Variants in CCDC33 observed in about 807,000 individuals in gnomAD.
CCDC33 encodes coiled-coil domain containing 33.
A neutral mutation model predicts 91.9 loss-of-function variants in CCDC33; 94 were observed. That is an observed-to-expected ratio of 1.02 (90% CI 0.87 to 1.21). CCDC33 has a LOEUF of 1.21. Ranked by LOEUF, CCDC33 falls within the 50% of genes most tolerant of loss-of-function variation. CCDC33 has a pLI of 0.00. For synonymous variants in CCDC33, 396 were observed against 374.5 expected (o/e 1.06, Z -0.66); for missense variants, 940 against 935.5 (o/e 1.00, Z -0.06).
chr15:74,247,204 C>T (rs1022934854), intron 2 of CCDC33, among the ~76,000 whole-genome samples: 24 of 151,996 alleles, frequency 1.6e-4, no homozygotes, highest in Non-Finnish European at 8.8e-5. Flanking sequence ...TGCAGTGGCT[C>T]ATGCCTGTAA....
At chr15:74,221,296 G>A in intron 2 of CCDC33, 1 of 974,960 alleles carries the variant, frequency 1.0e-6, no homozygotes, top group African/African-American at 1.8e-5. Flanking sequence ...CAGGAGAGCA[G>A]GATGAGCAGG....
At chr15:74,236,825 A>C in intron 1 of CCDC33, 85 bp downstream of exon 1, 5 of 1,359,514 alleles carry the variant, frequency 3.7e-6, no homozygotes, top group Non-Finnish European at 5.2e-6. Flanking sequence ...TTGCTCCTTA[A>C]TCATGACAAA....
At chr15:74,305,447 C>A (rs1048455163) in intron 11 of CCDC33, among the ~76,000 whole-genome samples, 1 of 152,114 alleles carries the variant, frequency 6.6e-6, no homozygotes, top group Non-Finnish European at 1.5e-5. Flanking sequence ...TAGAGAAAGC[C>A]CCCCAGCCTA....
chr15:74,336,241 C>T (rs1358753612), downstream of CCDC33: 2 of 1,422,910 alleles, frequency 1.4e-6, no homozygotes, highest in Middle Eastern at 1.9e-4. Context: ...TGCAGCCTTA[C>T]AGCCTCCCGC....
chr15:74,290,093 A>G (rs1163166724), intron 10 of CCDC33, among the ~76,000 whole-genome samples: 1 of 152,154 alleles, frequency 6.6e-6, no homozygotes, highest in Non-Finnish European at 1.5e-5. Context: ...CCACCTTAGT[A>G]TAGACCTCCC....
chr15:74,268,693 C>T (rs1595987415), intron 5 of CCDC33, among the ~76,000 whole-genome samples: 1 of 152,372 alleles, frequency 6.6e-6, no homozygotes, highest in South Asian at 2.1e-4. Context: ...CCTTCCCTCT[C>T]TGTCTTGGAG....
Position 74,336,125 on chromosome 15 carries a change from ATGT to A in CCDC33, c.*76_*78del, listed in dbSNP as rs1345215974. 6 of 1,581,282 alleles carry A rather than the reference ATGT, an allele frequency of 3.8e-6. No individual in the cohort carries two copies. The highest frequency in any genetic ancestry group is 1.7e-4 in the Middle Eastern group (1 of 5,944). On this transcript the variant is annotated 3_prime_UTR_variant, in exon 19 of 19. Coordinates refer to ENST00000398814, the MANE Select transcript of CCDC33 (RefSeq NM_025055.5). Reference sequence around the variant, plus strand: ...CGCCCCCTAAAAATGACGTTATTAAATGTTGTAGCTCTGTGAGCATTTTCCTCT... The same window carrying A: ...CGCCCCCTAAAAATGACGTTATTAAATGTAGCTCTGTGAGCATTTTCCTCT...
chr15:74,227,200 G>A (rs2142179962), intron 2 of CCDC33, among the ~76,000 whole-genome samples: 1 of 152,318 alleles, frequency 6.6e-6, no homozygotes, highest in South Asian at 2.1e-4. Context: ...GCTTGCCCAA[G>A]GCAGTCAGTA....
At chr15:74,242,576 C>T (rs115692024) in intron 1 of CCDC33, among the ~76,000 whole-genome samples, 240 of 152,298 alleles carry the variant, frequency 1.6e-3, no homozygotes, top group African/African-American at 5.7e-3. Flanking sequence ...TGCTCCTCTC[C>T]CAGAGCCAGG....
chr15:74,310,374 T>C (rs1323582706), intron 11 of CCDC33, among the ~76,000 whole-genome samples: 1 of 151,790 alleles, frequency 6.6e-6, no homozygotes, highest in Non-Finnish European at 1.5e-5. Context: ...CCGTTTCTAC[T>C]AAAAATACAA....
chr15:74,217,363 A>C (rs2074470789), exon 1 of CCDC33: 2 of 1,289,836 alleles, frequency 1.6e-6, no homozygotes, highest in Admixed American at 4.6e-5. Context: ...CTGGAGTTCG[A>C]AGTTTTGAGC....
chr15:74,280,228 A>G, intron 8 of CCDC33, 136 bp downstream of exon 8: 14 of 1,022,154 alleles, frequency 1.4e-5, no homozygotes, highest in Middle Eastern at 3.0e-4. Flanking sequence ...TTCCTAATGC[A>G]GGCAGAGGAG....
intron 10 of CCDC33, among the ~76,000 whole-genome samples, chr15:74,282,967 T>C (rs918840396): frequency 5.9e-5 from 9 of 152,324 alleles, no homozygotes; most frequent in African/African-American, 2.2e-4. Context: ...TCCTGCCTTC[T>C]TCCCACGCAG....
chr15:74,299,192 C>T (rs2059745828), intron 11 of CCDC33, among the ~76,000 whole-genome samples: 1 of 152,214 alleles, frequency 6.6e-6, no homozygotes, highest in African/African-American at 2.4e-5. Flanking sequence ...CATGCCCACC[C>T]TGGGCATCAC....
rs377211797 is a variant in CCDC33 at position 74,229,599 on chromosome 15, C to T, written c.675+10738C>T. Among the ~76,000 whole-genome samples, 18 of 152,340 alleles carry T rather than the reference C, an allele frequency of 1.2e-4. No individual in the cohort carries two copies. In the East Asian group the frequency reaches 2.7e-3, roughly 23 times the overall value. On this transcript the variant is annotated intron_variant, in intron 2 of 2. Coordinates refer to the CCDC33 transcript ENST00000635913. ...TATGTAAAACACACAGAATATTGCT[C>T]ACTGTTAGCTATTATTATGAGGTTC... is the stretch of plus-strand genomic sequence containing the variant.
At chr15:74,301,733 C>G (rs1189869235) in intron 11 of CCDC33, 1 of 152,176 alleles carries the variant, frequency 6.6e-6, no homozygotes, top group Non-Finnish European at 1.5e-5. Flanking sequence ...CAGATGTGCT[C>G]ATTTACTATG....
chr15:74,209,235 C>T (rs1204015958), intron 1 of CCDC33: 2 of 1,130,428 alleles, frequency 1.8e-6, no homozygotes, highest in East Asian at 2.6e-5. Flanking sequence ...ACCCCCAAAC[C>T]GTTTGCTCGA....
intron 11 of CCDC33, among the ~76,000 whole-genome samples, chr15:74,321,036 GC>G (rs1199567196): frequency 9.6e-4 from 146 of 152,104 alleles, no homozygotes; most frequent in African/African-American, 3.4e-3. Flanking sequence ...GCCATGGTGA[GC>G]CCCAACCCCT....
chr15:74,324,089 CAA>C (rs55758894), intron 11 of CCDC33, among the ~76,000 whole-genome samples: 4,887 of 71,900 alleles, frequency 0.068, 85 homozygotes, highest in East Asian at 0.12. Flanking sequence ...GACTCCATCT[CAA>C]AAAAAAAAAA....
Sources: gnomAD v4.1 joint callset for allele counts (sites outside exome capture counted in the v4.1 genomes callset) on GRCh38, gnomAD v4.1.1 for gene constraint, MANE v1.5 for transcripts, NCBI Gene and HGNC (gene_info 2026-07-23, HGNC 2026-07-21) for gene names.